ABCD2: variants seen among roughly 807,000 people sequenced by gnomAD.
ABCD2 encodes ATP-binding cassette sub-family D member 2.
A neutral mutation model predicts 70.9 loss-of-function variants in ABCD2; 36 were observed. That is an observed-to-expected ratio of 0.51 (90% CI 0.39 to 0.67). The LOEUF is 0.67. Ranked by LOEUF, ABCD2 falls within the 30% of genes least tolerant of loss-of-function variation. The probability of loss-of-function intolerance (pLI) is 0.00; values close to 1 mark genes in which losing one functional copy is unlikely to be tolerated. For missense variants in ABCD2, 729 were observed against 890.2 expected (o/e 0.82, Z 2.30); for synonymous variants, 304 against 306.9 (o/e 0.99, Z 0.10).
chr12:39,544,658 T>C, the ABCD2 span, among the ~76,000 whole-genome samples: 1 of 152,180 alleles, frequency 6.6e-6, no homozygotes, highest in African/African-American at 2.4e-5. Flanking sequence ...TTAGGTTTTA[T>C]AACACCTTAA....
At chr12:39,586,055 T>C in intron 7 of ABCD2, 97 bp downstream of exon 7, 1 of 1,118,568 alleles carries the variant, frequency 8.9e-7, no homozygotes, top group Non-Finnish European at 1.3e-6. Context: ...TTTCCGATTA[T>C]AGCATACATT....
chr12:39,536,027 C>G, the ABCD2 span, among the ~76,000 whole-genome samples: 1 of 152,198 alleles, frequency 6.6e-6, no homozygotes, highest in South Asian at 2.1e-4. Flanking sequence ...GCAGGCGAGG[C>G]TGCAGTGAGC....
intron 9 of ABCD2, among the ~76,000 whole-genome samples, chr12:39,557,644 C>T (rs1281984388): frequency 6.6e-6 from 1 of 152,068 alleles, no homozygotes; most frequent in Admixed American, 6.5e-5. Context: ...TTTCCTGGGC[C>T]AGGTCCAGGA....
chr12:39,547,744 T>C (rs977036624), downstream of ABCD2, among the ~76,000 whole-genome samples: 1 of 152,074 alleles, frequency 6.6e-6, no homozygotes, highest in Admixed American at 6.6e-5. Flanking sequence ...ACAATATGAA[T>C]ATAGTTAACA....
At chr12:39,571,097 AG>A (rs1941441821) in intron 9 of ABCD2, among the ~76,000 whole-genome samples, 1 of 152,186 alleles carries the variant, frequency 6.6e-6, no homozygotes. Flanking sequence ...TGTGGAAAAA[AG>A]GGAACTCTTA....
Position 39,578,804 on chromosome 12 carries a change from G to A in ABCD2, c.1877+731C>T, listed in dbSNP as rs559099111. On this transcript the variant is annotated intron_variant, in intron 8 of 9. Coordinates refer to ENST00000308666, the MANE Select transcript of ABCD2 (RefSeq NM_005164.4). ...AATTTCAAGGGGGAGAGCATTACTG[G>A]TTTAATAGGCTGCTGAATGGTTAAA... 2.6e-5 allele frequency among the ~76,000 whole-genome samples: 4 copies of A among 151,930 alleles called. No individual in the cohort carries two copies. In the East Asian group the frequency reaches 7.8e-4, roughly 30 times the overall value.
the ABCD2 span, among the ~76,000 whole-genome samples, chr12:39,541,638 C>T: frequency 2.2e-4 from 33 of 152,290 alleles, no homozygotes; most frequent in East Asian, 5.4e-3. Flanking sequence ...CTGGCTACTG[C>T]GACTGGAATG....
In ABCD2 at chr12:39,610,150, C is replaced by T. The variant is rs76960780; in HGVS notation, c.1121-2436G>A. On this transcript the variant is annotated intron_variant, in intron 2 of 9. Transcript: ENST00000308666. ...GCAATAGCACAGAGAAGGAACATGTCGAGTAATGCTAATTGAATGACAAAC... is the reference window on the plus strand; with the variant it reads ...GCAATAGCACAGAGAAGGAACATGTTGAGTAATGCTAATTGAATGACAAAC... 1.8e-4 allele frequency among the ~76,000 whole-genome samples: 28 copies of T among 152,120 alleles called. No homozygotes were observed. In the East Asian group the frequency reaches 2.7e-3, roughly 15 times the overall value.
At chr12:39,556,689 G>T (rs1236675641) in intron 9 of ABCD2, among the ~76,000 whole-genome samples, 1 of 152,106 alleles carries the variant, frequency 6.6e-6, no homozygotes, top group Non-Finnish European at 1.5e-5. Context: ...ATGGGGTGCT[G>T]CTATAAAGAT....
intron 6 of ABCD2, among the ~76,000 whole-genome samples, chr12:39,591,084 A>G (rs747573133): frequency 6.6e-6 from 1 of 152,228 alleles, no homozygotes; most frequent in South Asian, 2.1e-4. Flanking sequence ...AGATGTGTTA[A>G]GTTTAAGAAT....
intron 2 of ABCD2, among the ~76,000 whole-genome samples, chr12:39,615,280 ATATACAT>A (rs1942100621): frequency 6.6e-6 from 1 of 151,980 alleles, no homozygotes; most frequent in Admixed American, 6.5e-5. Context: ...GTTGTCTCTA[ATATACAT>A]TATATATTAA....
chr12:39,586,348 ACTCAGTGTGACAACTTG>A (rs1941666831), intron 6 of ABCD2, 51 bp from the exon 7 acceptor site: 1 of 1,559,808 alleles, frequency 6.4e-7, no homozygotes, highest in Admixed American at 1.9e-5. Flanking sequence ...ATGATAACTT[ACTCAGTGTGACAACTTG>A]GTAGTCTGAA....
At chr12:39,586,339 T>C (rs1035660188) in intron 6 of ABCD2, 42 bp from the exon 7 acceptor site, 1 of 1,586,258 alleles carries the variant, frequency 6.3e-7, no homozygotes, top group Non-Finnish European at 8.6e-7. Context: ...TGGAAAGTCA[T>C]GATAACTTAC....
intron 6 of ABCD2, among the ~76,000 whole-genome samples, chr12:39,590,892 C>G (rs1414663543): frequency 6.6e-6 from 1 of 151,412 alleles, no homozygotes; most frequent in African/African-American, 2.4e-5. Context: ...CTGAATGACA[C>G]AAAATTCTAA....
chr12:39,585,596 A>T (rs1056985590), intron 7 of ABCD2, among the ~76,000 whole-genome samples: 1 of 152,092 alleles, frequency 6.6e-6, no homozygotes, highest in African/African-American at 2.4e-5. Flanking sequence ...GAGTATTATT[A>T]GACAATAATT....
At chr12:39,580,588 TATA>T (rs1244509641) in intron 7 of ABCD2, among the ~76,000 whole-genome samples, 6 of 152,186 alleles carry the variant, frequency 3.9e-5, no homozygotes, top group African/African-American at 1.4e-4. Context: ...TCTAAAATTT[TATA>T]ATAAGCCTAC....
chr12:39,583,337 C>A (rs1215581649), intron 7 of ABCD2, among the ~76,000 whole-genome samples: 2 of 152,128 alleles, frequency 1.3e-5, no homozygotes, highest in Admixed American at 1.3e-4. Flanking sequence ...TCCATATTCT[C>A]AATCACTGTA....
At position 39,619,468 on chromosome 12, in the gene ABCD2, C is replaced by G. The variant is rs768203523; in HGVS notation, c.148G>C (p.Gly50Arg). 2.7e-5 allele frequency: 44 copies of G among 1,613,778 alleles called. No homozygotes were observed. In the South Asian group the frequency reaches 3.2e-4, roughly 12 times the overall value. Residue 50 changes from glycine to arginine, a missense_variant, in exon 1 of 10, where the codon GGG becomes CGG. Physicochemically the swap from Gly to Arg is moderately radical, Grantham distance 125 (BLOSUM62 -2). Transcript: ENST00000308666. ...GGGTAAGCTGCTGCTTTTTTCTTCCCGTGGCCAGATTGCTTTAAACGCTTG... is the reference window on the plus strand; with the variant it reads ...GGGTAAGCTGCTGCTTTTTTCTTCCGGTGGCCAGATTGCTTTAAACGCTTG... ...IGKRLKQSGH[G>R]KKKAAAYPAA... is the part of the protein sequence containing the mutation.
At chr12:39,577,950 T>A (rs1253146970) in intron 8 of ABCD2, among the ~76,000 whole-genome samples, 3 of 152,184 alleles carry the variant, frequency 2.0e-5, no homozygotes, top group Non-Finnish European at 4.4e-5. Context: ...TAAAGGCTTT[T>A]AAAAAAATGA....
Sources: allele counts gnomAD v4.1 joint callset (sites outside exome capture counted in the v4.1 genomes callset), GRCh38; gene constraint gnomAD v4.1.1; transcripts MANE v1.5; gene names NCBI Gene and HGNC (gene_info 2026-07-23, HGNC 2026-07-21).